PLEKHD1: variants seen among roughly 807,000 people sequenced by gnomAD.
PLEKHD1 encodes pleckstrin homology and coiled-coil domain containing D1, also known as pleckstrin homology domain-containing family D member 1.
PLEKHD1 carries 51 observed loss-of-function variants against 69.2 expected under a neutral mutation model. That is an observed-to-expected ratio of 0.74 (90% CI 0.59 to 0.93). The LOEUF is 0.93. Among genes scored for constraint, PLEKHD1 ranks in the 40% least tolerant of loss-of-function variants. PLEKHD1 has a pLI of 0.00. For synonymous variants in PLEKHD1, 236 were observed against 244.7 expected, an observed-to-expected ratio of 0.96 and a Z score of 0.33; for missense variants, 584 against 641.0, an observed-to-expected ratio of 0.91 and a Z score of 0.96.
chr14:69,523,934 GCCCCTTTGTTTCTC>G lies in PLEKHD1; in HGVS notation c.651-293_651-280del, dbSNP rs1883579164. On this transcript the variant is annotated intron_variant, in intron 7 of 12. Transcript: ENST00000322564. The stretch of plus-strand genomic sequence containing the variant: ...CCAGAGAAGACAGGGTGAGGCTGGG[GCCCCTTTGTTTCTC>G]CAGTGTTTCCCTCTGCCTGTGGGGT... 5.9e-5 allele frequency among the ~76,000 whole-genome samples: 9 copies of G among 152,300 alleles called. No homozygotes were observed. In the South Asian group the frequency reaches 1.9e-3, roughly 32 times the overall value.
At chr14:69,485,178 C>G in intron 1 of PLEKHD1, 64 bp downstream of exon 1, 1 of 1,496,070 alleles carries the variant, frequency 6.7e-7, no homozygotes, top group East Asian at 2.5e-5. Context: ...GTTACCCCTC[C>G]CACCCCCTCC....
At chr14:69,513,713 T>C (rs191517165) in intron 6 of PLEKHD1, among the ~76,000 whole-genome samples, 1 of 152,376 alleles carries the variant, frequency 6.6e-6, no homozygotes, top group East Asian at 1.9e-4. Context: ...TATGTAGATA[T>C]GAGTTTCTGA....
chr14:69,485,208 C>A (rs1208952308), intron 1 of PLEKHD1, 94 bp downstream of exon 1: 1 of 1,373,540 alleles, frequency 7.3e-7, no homozygotes, highest in Non-Finnish European at 9.8e-7. Flanking sequence ...CGTGCCTCTG[C>A]TTTCCTGTGT....
chr14:69,484,993 T>C lies in PLEKHD1; in HGVS notation c.28T>C (p.Ser10Pro). The stretch of plus-strand genomic sequence containing the variant: ...GTTCACGTCCAAGTCCAACTCGGTG[T>C]CGCCCTCGCCGTCCCTGGAGCAGGC... MFTSKSNSV[S>P]PSPSLEQADS... Residue 10 changes from serine to proline, a missense_variant, in exon 1 of 13, where the codon TCG becomes CCG. Transcript: ENST00000322564. 1 of 1,550,928 alleles carries C rather than the reference T, an allele frequency of 6.4e-7. No homozygotes were observed. Among genetic ancestry groups the C allele is most frequent in the Admixed American group, 2.0e-5 (1 of 50,980 alleles).
the PLEKHD1 span, among the ~76,000 whole-genome samples, chr14:69,467,905 A>T: frequency 4.6e-5 from 7 of 152,324 alleles, no homozygotes. Context: ...CCACTAATAA[A>T]TCATTTCTGA....
At chr14:69,503,035 G>C in intron 6 of PLEKHD1, 156 bp downstream of exon 6, 1 of 775,592 alleles carries the variant, frequency 1.3e-6, no homozygotes, top group Non-Finnish European at 2.1e-6. Context: ...GTGCTTGCTT[G>C]GGACTTGCTG....
At chr14:69,508,630 A>G (rs1424966584) in intron 6 of PLEKHD1, among the ~76,000 whole-genome samples, 1 of 152,090 alleles carries the variant, frequency 6.6e-6, no homozygotes, top group Non-Finnish European at 1.5e-5. Context: ...GGACTGAACA[A>G]ATGGGGGCAA....
chr14:69,524,205 A>C, intron 7 of PLEKHD1, 24 bp from the exon 8 acceptor site: 1 of 1,533,350 alleles, frequency 6.5e-7, no homozygotes, highest in South Asian at 1.2e-5. Flanking sequence ...GGGCACTGCC[A>C]TACCCAGCCC....
chr14:69,485,028 C>T lies in PLEKHD1; in HGVS notation c.63C>T (p.Asp21=), dbSNP rs763965589. 4 of 1,551,282 alleles carry T rather than the reference C, an allele frequency of 2.6e-6. No homozygotes were observed. Among genetic ancestry groups the T allele is most frequent in the African/African-American group, 2.7e-5 (2 of 73,050 alleles). The part of the protein sequence containing the change: ...PSPSLEQADS[D]ALDISTKVQL... ...CGTCCCTGGAGCAGGCTGACTCGGA[C>T]GCCCTGGATATCAGCACCAAAGTGC... The change falls in exon 1 of 13, where the codon GAC becomes GAT. Residue 21 remains aspartate (D), a synonymous_variant. Coordinates refer to ENST00000322564, the MANE Select transcript of PLEKHD1 (RefSeq NM_001161498.2).
At chr14:69,474,504 AC>A in the PLEKHD1 span, among the ~76,000 whole-genome samples, 1 of 152,144 alleles carries the variant, frequency 6.6e-6, no homozygotes, top group African/African-American at 2.4e-5. Flanking sequence ...CCTGTGCCCC[AC>A]CCGCCTTGAG....
At chr14:69,473,640 T>C in the PLEKHD1 span, among the ~76,000 whole-genome samples, 7 of 152,298 alleles carry the variant, frequency 4.6e-5, no homozygotes, top group Admixed American at 1.3e-4. Flanking sequence ...CACTGCCCAA[T>C]TTTGTAATTT....
At chr14:69,502,363 C>T (rs1002509169) in intron 5 of PLEKHD1, 1 of 207,500 alleles carries the variant, frequency 4.8e-6, no homozygotes, top group Non-Finnish European at 9.8e-6. Flanking sequence ...GGTAAACATG[C>T]ACTGTTTGGG....
chr14:69,524,907 T>G lies in PLEKHD1; in HGVS notation c.744+585T>G, dbSNP rs1202526163. On this transcript the variant is annotated intron_variant, in intron 8 of 12. Coordinates refer to ENST00000322564, the MANE Select transcript of PLEKHD1 (RefSeq NM_001161498.2). Reference sequence around the variant, plus strand: ...ATGCCCTGCACAGACTCCCAACCCCTGCTCCAAACCGCGGAGCTCAGGTAC... The same window carrying G: ...ATGCCCTGCACAGACTCCCAACCCCGGCTCCAAACCGCGGAGCTCAGGTAC... Among the ~76,000 whole-genome samples the G allele has an allele frequency of 2.6e-5, 4 of 152,170 alleles. No individual in the cohort carries two copies. The East Asian group carries it at 7.7e-4, about 29-fold the overall frequency.
chr14:69,498,801 C>A (rs1016949634), intron 1 of PLEKHD1, among the ~76,000 whole-genome samples: 6 of 152,032 alleles, frequency 3.9e-5, no homozygotes, highest in Non-Finnish European at 8.8e-5. Flanking sequence ...GTGTGCGCCA[C>A]CACACCCAGC....
rs1883051894 is a variant in PLEKHD1 at position 69,502,484 on chromosome 14, T to G, written c.503-343T>G. 1.9e-5 allele frequency: 6 copies of G among 320,504 alleles called. No homozygotes were observed. In the South Asian group the frequency reaches 2.0e-4, roughly 11 times the overall value. 19.9% of individuals were successfully genotyped at this position (320,504 alleles called of 1,614,324 possible). ...CCCCTATGCCTGCTTCAGAACTTCC[T>G]AGGTTCTGCCCTCCTTACTAGCCAG... is the stretch of plus-strand genomic sequence containing the variant. On this transcript the variant is annotated intron_variant, in intron 5 of 12. Transcript: ENST00000322564.
At chr14:69,498,106 A>ATTTTATTTTATTTTATTTTATTTTATTT (rs1491301174) in intron 1 of PLEKHD1, among the ~76,000 whole-genome samples, 1 of 141,464 alleles carries the variant, frequency 7.1e-6, no homozygotes, top group African/African-American at 2.7e-5. Context: ...ATTTTATTTT[A>ATTTTATTTTATTTTATTTTATTTTATTT]GAGAGTCTTG....
chr14:69,522,810 CT>C (rs528874969), intron 7 of PLEKHD1, among the ~76,000 whole-genome samples: 48 of 152,042 alleles, frequency 3.2e-4, no homozygotes, highest in Middle Eastern at 3.4e-3. Flanking sequence ...GTTTGTAAAC[CT>C]AGTTGTACAT....
chr14:69,472,450 C>G, the PLEKHD1 span, among the ~76,000 whole-genome samples: 1 of 152,166 alleles, frequency 6.6e-6, no homozygotes, highest in Admixed American at 6.5e-5. Flanking sequence ...GTCCCCACCC[C>G]CATGTTCTGT....
chr14:69,484,837 G>T lies in PLEKHD1; in HGVS notation c.-129G>T. ...CAGCGCGCTTTGATGCTGCAGCTCC[G>T]GGCCGGGCCGCTCTGCTTCTCTGCT... On this transcript the variant is annotated 5_prime_UTR_variant, in exon 1 of 13. Coordinates refer to ENST00000322564, the MANE Select transcript of PLEKHD1 (RefSeq NM_001161498.2). The T allele has an allele frequency of 8.7e-7, 1 of 1,148,850 alleles. No individual in the cohort carries two copies. The highest frequency in any genetic ancestry group is 1.2e-6 in the Non-Finnish European group (1 of 828,450). 71.2% of individuals were successfully genotyped at this position (1,148,850 alleles called of 1,614,324 possible). A position where few individuals can be genotyped will look rare whatever the true frequency, so the allele number is the denominator to read the frequency against.
Sources: allele counts gnomAD v4.1 joint callset (sites outside exome capture counted in the v4.1 genomes callset), GRCh38; gene constraint gnomAD v4.1.1; transcripts MANE v1.5; gene names NCBI Gene and HGNC (gene_info 2026-07-23, HGNC 2026-07-21).